Variants in SYCP1 observed in about 807,000 individuals in gnomAD.
SYCP1 encodes cancer/testis antigen 8.
In SYCP1, 64 loss-of-function variants were observed where a neutral mutation model predicts 153.1. The observed-to-expected ratio is 0.42, with a 90% CI of 0.34 to 0.51. The LOEUF (loss-of-function observed/expected upper bound fraction) is 0.51. Among genes scored for constraint, SYCP1 ranks in the 20% least tolerant of loss-of-function variants. The probability of loss-of-function intolerance (pLI) is 0.06; values close to 1 mark genes in which losing one functional copy is unlikely to be tolerated. For missense variants in SYCP1, 997 were observed against 1,049.0 expected (o/e 0.95, Z 0.68); for synonymous variants, 384 against 341.8 (o/e 1.12, Z -1.36).
chr1:114,879,792 A>G (rs1665793503), intron 12 of SYCP1, among the ~76,000 whole-genome samples: 1 of 152,058 alleles, frequency 6.6e-6, no homozygotes, highest in Admixed American at 6.6e-5. Context: ...TGTATCTTCC[A>G]CTTGTTTTTC....
chr1:114,952,404 G>C (rs1671166297), intron 27 of SYCP1, among the ~76,000 whole-genome samples: 2 of 152,056 alleles, frequency 1.3e-5, no homozygotes, highest in Non-Finnish European at 2.9e-5. Flanking sequence ...TTCTGCTGTT[G>C]AACAGTGTAT....
chr1:114,880,299 C>G (rs1025599038), intron 12 of SYCP1, among the ~76,000 whole-genome samples: 1 of 152,194 alleles, frequency 6.6e-6, no homozygotes, highest in Admixed American at 6.5e-5. Context: ...ATCCCATTCC[C>G]TTCTTCCTGC....
chr1:114,991,814 A>G (rs557898574), intron 30 of SYCP1, among the ~76,000 whole-genome samples: 2 of 151,904 alleles, frequency 1.3e-5, no homozygotes, highest in South Asian at 2.1e-4. Flanking sequence ...AGATACTATA[A>G]AAGAAAAATA....
intron 8 of SYCP1, among the ~76,000 whole-genome samples, chr1:114,867,396 T>C (rs1011225794): frequency 2.6e-5 from 4 of 152,172 alleles, no homozygotes; most frequent in African/African-American, 9.6e-5. Flanking sequence ...CATGGAATCT[T>C]TCTCTATTGA....
chr1:114,969,508 G>T (rs1570888509), intron 27 of SYCP1, among the ~76,000 whole-genome samples: 1 of 152,240 alleles, frequency 6.6e-6, no homozygotes, highest in Non-Finnish European at 1.5e-5. Flanking sequence ...ACAAGCTCAA[G>T]CATCCCAGGT....
At chr1:114,941,114 T>C (rs1670356281) in intron 23 of SYCP1, among the ~76,000 whole-genome samples, 2 of 152,148 alleles carry the variant, frequency 1.3e-5, no homozygotes, top group Admixed American at 1.3e-4. Flanking sequence ...TAGTCAGCCC[T>C]GTGGAACCCA....
chr1:114,990,020 C>T (rs778747028), intron 30 of SYCP1, among the ~76,000 whole-genome samples: 2 of 151,880 alleles, frequency 1.3e-5, no homozygotes, highest in Non-Finnish European at 2.9e-5. Flanking sequence ...ACATGTATAA[C>T]ATTCTACCCA....
chr1:114,883,354 A>G (rs571590096), intron 12 of SYCP1, among the ~76,000 whole-genome samples: 14 of 152,226 alleles, frequency 9.2e-5, no homozygotes, highest in Non-Finnish European at 2.1e-4. Context: ...ATTCTAAAAT[A>G]TGAAATCTTT....
chr1:114,978,456 A>G (rs1672938756), intron 28 of SYCP1, among the ~76,000 whole-genome samples: 1 of 151,624 alleles, frequency 6.6e-6, no homozygotes, highest in South Asian at 2.1e-4. Flanking sequence ...ATGTTACCCT[A>G]GTGGTACTCC....
At chr1:114,875,942 T>C in intron 9 of SYCP1, 127 bp from the exon 10 acceptor site, 1 of 572,176 alleles carries the variant, frequency 1.7e-6, no homozygotes, top group Non-Finnish European at 3.0e-6. Flanking sequence ...TTACAGTGTT[T>C]TAGTTATTCC....
Position 114,944,457 on chromosome 1 carries a change from TG to T in SYCP1, c.2043+5del. The T allele has an allele frequency of 6.6e-7, 1 of 1,522,338 alleles. No homozygotes were observed. The highest frequency in any genetic ancestry group is 9.0e-7 in the Non-Finnish European group (1 of 1,108,106). The allele number at this position is 1,522,338 out of a possible 1,614,324, so 94.3% of individuals were successfully genotyped here. ...TCAGAAGAAAATCTTTTGGAAGAGGTGGGAAAAACTTAATGTATTAAGAACT... is the reference window on the plus strand; with the variant it reads ...TCAGAAGAAAATCTTTTGGAAGAGGTGGAAAAACTTAATGTATTAAGAACT... On this transcript the variant is annotated splice_donor_region_variant and intron_variant, in intron 24 of 31. Coordinates refer to ENST00000369522, the MANE Select transcript of SYCP1 (RefSeq NM_003176.4).
chr1:114,907,294 C>A (rs1053117485), intron 16 of SYCP1, among the ~76,000 whole-genome samples: 1 of 152,060 alleles, frequency 6.6e-6, no homozygotes, highest in Non-Finnish European at 1.5e-5. Flanking sequence ...AGAATTTAGA[C>A]CATTGATATC....
chr1:114,966,096 A>C (rs1672110337), intron 27 of SYCP1, among the ~76,000 whole-genome samples: 1 of 151,980 alleles, frequency 6.6e-6, no homozygotes, highest in African/African-American at 2.4e-5. Context: ...CCAGGAATTT[A>C]TTCATTTCTT....
At chr1:114,941,536 T>C (rs1670388909) in intron 23 of SYCP1, among the ~76,000 whole-genome samples, 1 of 152,140 alleles carries the variant, frequency 6.6e-6, no homozygotes, top group South Asian at 2.1e-4. Context: ...TTGTCTCTTT[T>C]ACTGGTATAT....
At chr1:114,956,662 A>G (rs983534053) in intron 27 of SYCP1, among the ~76,000 whole-genome samples, 1 of 152,096 alleles carries the variant, frequency 6.6e-6, no homozygotes. Context: ...CAGCATTCCC[A>G]TACAGCTCTA....
chr1:114,967,409 C>T (rs1057166510), intron 27 of SYCP1, among the ~76,000 whole-genome samples: 1 of 152,158 alleles, frequency 6.6e-6, no homozygotes, highest in Non-Finnish European at 1.5e-5. Flanking sequence ...TTGCATTGAT[C>T]CCTTTACCAT....
chr1:114,906,898 G>A (rs1667846291), intron 16 of SYCP1, among the ~76,000 whole-genome samples: 1 of 151,868 alleles, frequency 6.6e-6, no homozygotes, highest in African/African-American at 2.4e-5. Flanking sequence ...TGAATTTTTG[G>A]GTCTAATTCT....
chr1:114,856,958 C>A (rs35024065), intron 3 of SYCP1, among the ~76,000 whole-genome samples: 3,641 of 127,476 alleles, frequency 0.029, 81 homozygotes, highest in Non-Finnish European at 0.044. Flanking sequence ...AGCAAACAAA[C>A]CCCACCACCC....
chr1:114,857,329 A>C (rs985757882), intron 4 of SYCP1, 54 bp downstream of exon 4: 6 of 1,566,212 alleles, frequency 3.8e-6, no homozygotes, highest in Non-Finnish European at 4.3e-6. Context: ...TGAACTGCTT[A>C]TTTGAAGACG....
Sources: allele counts gnomAD v4.1 joint callset (sites outside exome capture counted in the v4.1 genomes callset), GRCh38; gene constraint gnomAD v4.1.1; transcripts MANE v1.5; gene names NCBI Gene and HGNC (gene_info 2026-07-23, HGNC 2026-07-21).